The following MBP variants were observed in gnomAD, a reference collection of about 807,000 sequenced individuals.
The protein encoded by MBP is Golli-MBP.
MBP carries 16 observed loss-of-function variants against 35.8 expected under a neutral mutation model. The ratio of observed to expected loss-of-function variants is 0.45; its 90% confidence interval spans 0.30 to 0.68. MBP has a LOEUF of 0.68. Among genes scored for constraint, MBP ranks in the 30% least tolerant of loss-of-function variants. MBP has a pLI of 0.08. For synonymous variants in MBP, 143 were observed against 159.6 expected, an observed-to-expected ratio of 0.90 and a Z score of 0.78; for missense variants, 380 against 404.7, an observed-to-expected ratio of 0.94 and a Z score of 0.52.
At chr18:77,115,402 C>T (rs913750642) in intron 1 of MBP, 1 of 152,246 alleles carries the variant, frequency 6.6e-6, no homozygotes, top group African/African-American at 2.4e-5. Flanking sequence ...GAGCTGTCGT[C>T]TGGGTCTTGG....
chr18:77,111,651 T>C (rs1475425714), intron 1 of MBP, among the ~76,000 whole-genome samples: 2 of 152,180 alleles, frequency 1.3e-5, no homozygotes, highest in Non-Finnish European at 2.9e-5. Context: ...ACCAACATGC[T>C]GAGACCTGGT....
rs1054579003 is a variant in MBP at position 76,989,504 on chromosome 18, G to T, written c.681+452C>A. On this transcript the variant is annotated intron_variant, in intron 5 of 8. Transcript: ENST00000355994. This position sits in a 1 kb window ranked among gnomAD's most constrained non-coding sequence, Gnocchi z 4.0. ...AGCAACACTGCCTTAGGGCTCTCTC[G>T]GTGCTGTGCACGCTGTGGGTTTGGA... 3.9e-5 allele frequency among the ~76,000 whole-genome samples: 6 copies of T among 152,054 alleles called. No homozygotes were observed. The highest frequency in any genetic ancestry group is 5.9e-5 in the Non-Finnish European group (4 of 68,006).
rs2123023137 is a variant in MBP at position 76,979,794 on chromosome 18, C to T, written c.*633G>A. 1.7e-6 allele frequency: 1 copy of T among 599,358 alleles called. No homozygotes were observed. Among genetic ancestry groups the T allele is most frequent in the South Asian group, 2.0e-5 (1 of 49,496 alleles). 37.1% of individuals were successfully genotyped at this position (599,358 alleles called of 1,614,324 possible). ...GCTAATTGGGGTGTGTGGGCAGCCA[C>T]GGCCTGGGGAGGTGGCCCCCTCTCT... On this transcript the variant is annotated 3_prime_UTR_variant, in exon 9 of 9. Transcript: ENST00000355994.
At position 76,988,416 on chromosome 18, in the gene MBP, C is replaced by A. The variant is rs1969690471; in HGVS notation, c.750+79G>T. On this transcript the variant is annotated intron_variant, in intron 7 of 8. Coordinates refer to ENST00000355994, the MANE Select transcript of MBP (RefSeq NM_001025101.2). The surrounding 1 kb of genome is among the most constrained non-coding windows in gnomAD (Gnocchi z 5.2). ...AAAGGAGGCCAGGAAGCAACCGAAA[C>A]AGAGCAGAACACAAAAGTTGCGGGG... 6.2e-7 allele frequency: 1 copy of A among 1,614,010 alleles called. No individual in the cohort carries two copies. The highest frequency in any genetic ancestry group is 1.3e-5 in the African/African-American group (1 of 74,904).
Position 77,017,256 on chromosome 18 carries a change from G to C in MBP, c.152C>G (p.Ala51Gly). 1 of 1,509,364 alleles carries C rather than the reference G, an allele frequency of 6.6e-7. No homozygotes were observed. The highest frequency in any genetic ancestry group is 8.8e-7 in the Non-Finnish European group (1 of 1,129,994). The allele number at this position is 1,509,364 out of a possible 1,614,324, so 93.5% of individuals were successfully genotyped here. Residue 51 changes from alanine (A) to glycine (G), a missense_variant, in exon 4 of 9, where the codon GCG (alanine) becomes GGG (glycine). Ala to Gly is a moderately conservative substitution (Grantham distance 60). Coordinates refer to ENST00000355994, the MANE Select transcript of MBP (RefSeq NM_001025101.2). ...AGAGGAGGTCCCATTGTTCTGGTTC[G>C]CATCTGCCTCTCCTGCAAACAACAA... ...EDNEVFGEAD[A>G]NQNNGTSSQD... is the part of the protein sequence containing the mutation.
intron 3 of MBP, among the ~76,000 whole-genome samples, chr18:77,018,748 T>TCATC (rs141460752): frequency 0.022 from 2,122 of 95,644 alleles, 109 homozygotes; most frequent in Non-Finnish European, 0.033. Context: ...ATCTATCCAC[T>TCATC]CATCCATCCA....
Position 77,020,795 on chromosome 18 carries a change from A to G in MBP, c.140-3527T>C, listed in dbSNP as rs1971958400. Among the ~76,000 whole-genome samples the G allele has an allele frequency of 6.6e-6, 1 of 152,000 alleles. No individual in the cohort carries two copies. The highest frequency in any genetic ancestry group is 2.1e-4 in the South Asian group (1 of 4,806). On this transcript the variant is annotated intron_variant, in intron 3 of 8. Coordinates refer to ENST00000355994, the MANE Select transcript of MBP (RefSeq NM_001025101.2). The surrounding 1 kb of genome is among the most constrained non-coding windows in gnomAD (Gnocchi z 4.1). ...CGGTTAGGGCATGGTGGGTGGGAGC[A>G]CTCTGGAAACCCGCATTCCCAGACC...
At chr18:77,052,152 G>A (rs79909460) in intron 3 of MBP, among the ~76,000 whole-genome samples, 6,043 of 152,264 alleles carry the variant, frequency 0.04, 165 homozygotes, top group South Asian at 0.077. Flanking sequence ...GACCAGGAAC[G>A]GGGGAAGGAG....
At chr18:77,126,054 A>G (rs995358205) in intron 1 of MBP, among the ~76,000 whole-genome samples, 1 of 152,200 alleles carries the variant, frequency 6.6e-6, no homozygotes, top group East Asian at 1.9e-4. Context: ...ACAAGTGGGA[A>G]CACTTTCTAA....
intron 4 of MBP, among the ~76,000 whole-genome samples, chr18:77,001,724 C>T (rs1453403873): frequency 6.6e-6 from 1 of 152,136 alleles, no homozygotes; most frequent in Non-Finnish European, 1.5e-5. Context: ...GTGGCGGACA[C>T]CTGTAATCCC....
intron 8 of MBP, chr18:76,983,395 C>G (rs370226261): frequency 3.3e-5 from 5 of 152,442 alleles, no homozygotes; most frequent in African/African-American, 1.2e-4. Context: ...AGGCAGGTGA[C>G]GTGCTGGCCA....
chr18:77,070,998 G>T (rs1475504195), intron 2 of MBP, among the ~76,000 whole-genome samples: 1 of 152,158 alleles, frequency 6.6e-6, no homozygotes, highest in Non-Finnish European at 1.5e-5. Context: ...TGGCACACAC[G>T]CACACGCACA....
At chr18:77,133,065 C>A (rs1977339508), upstream of MBP, among the ~76,000 whole-genome samples, 2 of 152,132 alleles carry the variant, frequency 1.3e-5, no homozygotes, top group Admixed American at 1.3e-4. Context: ...GTCGACCCTT[C>A]CCGTTCGGAG....
chr18:77,087,184 G>C (rs1975273250), intron 2 of MBP, among the ~76,000 whole-genome samples: 1 of 152,202 alleles, frequency 6.6e-6, no homozygotes, highest in African/African-American at 2.4e-5. Context: ...GACCCATCCA[G>C]GAGGCGAAAT....
chr18:77,080,306 A>C lies in MBP; in HGVS notation c.52-13921T>G, dbSNP rs572124834. Among the ~76,000 whole-genome samples, 16 of 152,400 alleles carry C rather than the reference A, an allele frequency of 1.0e-4. No homozygotes were observed. In the South Asian group the frequency reaches 1.2e-3, roughly 12 times the overall value. On this transcript the variant is annotated intron_variant, in intron 2 of 8. Transcript: ENST00000355994. ...GCACAAACAGGCTCATTTCAAAGGC[A>C]TCCCCTTTCTCTGCAGAATCAGAAC...
chr18:77,049,353 T>C (rs770409973), intron 3 of MBP, among the ~76,000 whole-genome samples: 1 of 152,246 alleles, frequency 6.6e-6, no homozygotes, highest in Non-Finnish European at 1.5e-5. Context: ...TGATGCATGA[T>C]GAAGATGGAA....
intron 1 of MBP, among the ~76,000 whole-genome samples, chr18:77,106,463 A>C (rs1237698014): frequency 6.6e-6 from 1 of 151,838 alleles, no homozygotes; most frequent in African/African-American, 2.4e-5. Flanking sequence ...CACAGTCGCC[A>C]CTCCCGGAGT....
intron 4 of MBP, 199 bp downstream of exon 4, chr18:77,016,633 G>T (rs929550168): frequency 1.3e-5 from 18 of 1,418,522 alleles, no homozygotes; most frequent in Non-Finnish European, 1.7e-5. Flanking sequence ...AGGAAAAGAG[G>T]GGGTGAGTTA....
chr18:76,996,133 C>T (rs912494184), intron 4 of MBP, among the ~76,000 whole-genome samples: 4 of 152,044 alleles, frequency 2.6e-5, no homozygotes, highest in East Asian at 1.9e-4. Flanking sequence ...ATCAAAACCG[C>T]GAGGGGATAC....
Sources: gnomAD v4.1 joint callset for allele counts (sites outside exome capture counted in the v4.1 genomes callset) on GRCh38, gnomAD v4.1.1 for gene constraint, Gnocchi (gnomAD v3.1) non-coding constraint, MANE v1.5 for transcripts, NCBI Gene and HGNC (gene_info 2026-07-23, HGNC 2026-07-21) for gene names.